NCKAP5: variants seen among roughly 807,000 people sequenced by gnomAD.
NCKAP5 encodes the protein NCK associated protein 5.
In NCKAP5, 92 loss-of-function variants were observed where a neutral mutation model predicts 167.0. That is an observed-to-expected ratio of 0.55 (90% CI 0.47 to 0.66). NCKAP5 has a LOEUF of 0.66. NCKAP5 is among the 30% of genes least tolerant of loss of function. NCKAP5 has a pLI of 0.00. For missense variants in NCKAP5, 2,378 were observed against 2,315.0 expected (o/e 1.03, Z -0.56); for synonymous variants, 891 against 877.4 (o/e 1.02, Z -0.27).
At chr2:132,679,210 G>A (rs1488529407) in intron 19 of NCKAP5, among the ~76,000 whole-genome samples, 1 of 152,152 alleles carries the variant, frequency 6.6e-6, no homozygotes, top group East Asian at 1.9e-4. Context: ...AGCAGCCCTG[G>A]GCTGGGAAAC....
chr2:132,753,570 C>T (rs1202414107), intron 16 of NCKAP5, among the ~76,000 whole-genome samples: 1 of 152,156 alleles, frequency 6.6e-6, no homozygotes, highest in East Asian at 1.9e-4. Context: ...CAGGAGAATG[C>T]CTTTAATGCC....
chr2:133,010,071 A>C (rs2078101308), intron 6 of NCKAP5, among the ~76,000 whole-genome samples: 1 of 115,588 alleles, frequency 8.7e-6, no homozygotes, highest in African/African-American at 3.1e-5. Flanking sequence ...ATTCTGTCTC[A>C]AAAAAAAAAA....
chr2:133,108,692 C>T (rs1239713546), intron 6 of NCKAP5, among the ~76,000 whole-genome samples: 2 of 152,184 alleles, frequency 1.3e-5, no homozygotes, highest in African/African-American at 4.8e-5. Context: ...AACAGCTCTC[C>T]CTTTCTCTCA....
chr2:133,158,205 C>T (rs939302223), intron 5 of NCKAP5, among the ~76,000 whole-genome samples: 21 of 152,106 alleles, frequency 1.4e-4, no homozygotes, highest in African/African-American at 3.6e-4. Flanking sequence ...GAGGCAAGTG[C>T]TGAGTATATT....
rs3044408 is a variant in NCKAP5 at position 132,883,205 on chromosome 2, TACAC to T, written c.580-4293_580-4290del. Among the ~76,000 whole-genome samples, 826 of 139,692 alleles carry T rather than the reference TACAC, an allele frequency of 5.9e-3. 3 individuals carry two copies. The highest frequency in any genetic ancestry group is 0.014 in the African/African-American group (536 of 38,448). 91.6% of individuals were successfully genotyped at this position (139,692 alleles called of 152,430 possible). On this transcript the variant is annotated intron_variant, in intron 8 of 19. Transcript: ENST00000409261. Reference sequence around the variant, plus strand: ...CGACAAAACCAGACCCTGACTCAAATACACACACACACACACACACACACACACA... The same window carrying T: ...CGACAAAACCAGACCCTGACTCAAATACACACACACACACACACACACACA...
rs573943668 is a variant in NCKAP5, at chr2:133,114,805, C to T, written c.341+15173G>A. Reference sequence around the variant, plus strand: ...TCCTATAAGTTGTTCATTGTATCTACAGGCTTGATGAGATTCAAGGTTCAT... The same window carrying T: ...TCCTATAAGTTGTTCATTGTATCTATAGGCTTGATGAGATTCAAGGTTCAT... On this transcript the variant is annotated intron_variant, in intron 6 of 19. Coordinates refer to ENST00000409261, the MANE Select transcript of NCKAP5 (RefSeq NM_207363.3). Among the ~76,000 whole-genome samples the T allele has an allele frequency of 2.6e-5, 4 of 152,252 alleles. No individual in the cohort carries two copies. In the South Asian group the frequency reaches 8.3e-4, roughly 32 times the overall value.
At chr2:132,673,722 AAAG>A (rs1684051511) in intron 19 of NCKAP5, among the ~76,000 whole-genome samples, 1 of 152,238 alleles carries the variant, frequency 6.6e-6, no homozygotes, top group Non-Finnish European at 1.5e-5. Context: ...CTAATAAAAA[AAAG>A]ACATAAAAAT....
intron 11 of NCKAP5, among the ~76,000 whole-genome samples, chr2:132,856,699 C>T (rs1488320798): frequency 5.3e-5 from 8 of 152,108 alleles, no homozygotes; most frequent in South Asian, 2.1e-4. Context: ...ATCTTAGATG[C>T]CGCATTTCAG....
intron 7 of NCKAP5, among the ~76,000 whole-genome samples, chr2:132,974,478 G>T (rs565741163): frequency 6.6e-6 from 1 of 152,280 alleles, no homozygotes; most frequent in Non-Finnish European, 1.5e-5. Context: ...GCGATATAGG[G>T]CAAATATTCT....
chr2:133,371,583 C>A (rs1000055544), intron 3 of NCKAP5, among the ~76,000 whole-genome samples: 16 of 152,206 alleles, frequency 1.1e-4, no homozygotes, highest in African/African-American at 3.9e-4. Flanking sequence ...ACAGAGTAAG[C>A]ACCCTATAAA....
intron 6 of NCKAP5, among the ~76,000 whole-genome samples, chr2:133,024,844 A>G (rs2149402293): frequency 6.6e-6 from 1 of 152,218 alleles, no homozygotes; most frequent in South Asian, 2.1e-4. Context: ...GGATTTGGGA[A>G]CTCAGTCCCA....
intron 3 of NCKAP5, among the ~76,000 whole-genome samples, chr2:133,428,268 T>A (rs922918021): frequency 6.6e-5 from 10 of 152,146 alleles, no homozygotes; most frequent in Non-Finnish European, 1.5e-4. Context: ...TGGCACAGAA[T>A]AAGAAGTCTA....
intron 3 of NCKAP5, among the ~76,000 whole-genome samples, chr2:133,418,958 T>G (rs1253956835): frequency 6.6e-6 from 1 of 152,174 alleles, no homozygotes; most frequent in African/African-American, 2.4e-5. Context: ...AAAATTCTTT[T>G]AAAAATGAAG....
intron 3 of NCKAP5, among the ~76,000 whole-genome samples, chr2:133,342,641 T>A (rs1373700764): frequency 1.3e-5 from 2 of 152,130 alleles, no homozygotes; most frequent in African/African-American, 2.4e-5. Flanking sequence ...CAATACCCCC[T>A]CCAGCCACCA....
At chr2:133,088,095 G>C (rs1402069677) in intron 6 of NCKAP5, among the ~76,000 whole-genome samples, 1 of 152,144 alleles carries the variant, frequency 6.6e-6, no homozygotes, top group Non-Finnish European at 1.5e-5. Flanking sequence ...TCATTTGCTT[G>C]TATGATATTC....
At chr2:132,809,125 G>A (rs911003906) in intron 11 of NCKAP5, among the ~76,000 whole-genome samples, 1 of 152,140 alleles carries the variant, frequency 6.6e-6, no homozygotes, top group African/African-American at 2.4e-5. Context: ...ACTGTGGTCT[G>A]AGAGAGTGCT....
At chr2:133,146,015 T>C (rs2083182107) in intron 5 of NCKAP5, among the ~76,000 whole-genome samples, 1 of 152,124 alleles carries the variant, frequency 6.6e-6, no homozygotes, top group Non-Finnish European at 1.5e-5. Context: ...TCCTTTATTA[T>C]TGTTTCTGCA....
chr2:133,255,028 G>A (rs2088545501), intron 4 of NCKAP5, among the ~76,000 whole-genome samples: 1 of 151,570 alleles, frequency 6.6e-6, no homozygotes, highest in Non-Finnish European at 1.5e-5. Flanking sequence ...ATTTGACTAT[G>A]AAAAAAAAGT....
intron 2 of NCKAP5, chr2:133,556,850 A>G (rs1452209173): frequency 1.3e-5 from 2 of 152,180 alleles, no homozygotes; most frequent in African/African-American, 2.4e-5. Flanking sequence ...AGATCTGAGT[A>G]AGTATTTCTT....
Sources: allele counts gnomAD v4.1 joint callset (sites outside exome capture counted in the v4.1 genomes callset), GRCh38; gene constraint gnomAD v4.1.1; transcripts MANE v1.5; gene names NCBI Gene and HGNC (gene_info 2026-07-23, HGNC 2026-07-21).